Variants in LARGE1 observed in about 807,000 individuals in gnomAD.
LARGE1 encodes LARGE xylosyl- and glucuronyltransferase 1.
A neutral mutation model predicts 87.6 loss-of-function variants in LARGE1; 43 were observed. The ratio of observed to expected loss-of-function variants is 0.49; its 90% CI spans 0.38 to 0.63. The LOEUF is 0.63. LARGE1 is among the 30% of genes least tolerant of loss of function. The probability of loss-of-function intolerance (pLI) is 0.00; values close to 1 mark genes in which losing one functional copy is unlikely to be tolerated. For synonymous variants in LARGE1, 434 were observed against 394.6 expected (o/e 1.10, Z -1.18); for missense variants, 802 against 1,000.2 (o/e 0.80, Z 2.67).
intron 6 of LARGE1, among the ~76,000 whole-genome samples, chr22:33,553,497 C>A (rs947560055): frequency 3.9e-5 from 6 of 152,074 alleles, no homozygotes; most frequent in African/African-American, 1.4e-4. Context: ...GCCTGGGTGA[C>A]ACAACAAGAC....
intron 6 of LARGE1, among the ~76,000 whole-genome samples, chr22:33,457,193 T>C (rs555907770): frequency 2.0e-5 from 3 of 152,054 alleles, no homozygotes; most frequent in South Asian, 2.1e-4. Flanking sequence ...AGTGGCGTGA[T>C]CTTGGCTCAC....
intron 1 of LARGE1, among the ~76,000 whole-genome samples, chr22:33,844,969 C>T (rs1269496138): frequency 2.6e-5 from 4 of 151,958 alleles, no homozygotes; most frequent in African/African-American, 4.8e-5. Flanking sequence ...CCACCCGCCT[C>T]GGCCTCCCAA....
intron 1 of LARGE1, among the ~76,000 whole-genome samples, chr22:33,803,364 C>T (rs188182247): frequency 6.6e-6 from 1 of 152,288 alleles, no homozygotes; most frequent in East Asian, 1.9e-4. Context: ...GGTGGTTTGA[C>T]TCAGTTTCTA....
Position 33,863,221 on chromosome 22 carries a change from A to C in LARGE1, c.-83+56774T>G, listed in dbSNP as rs571941225. ...CACCTCTGCAAGCCTCACTTCCCTCATTTCTGAAATGGAGGTTAATCCAAC... is the reference window on the plus strand; with the variant it reads ...CACCTCTGCAAGCCTCACTTCCCTCCTTTCTGAAATGGAGGTTAATCCAAC... On this transcript the variant is annotated intron_variant, in intron 1 of 14. Transcript: ENST00000397394. Among the ~76,000 whole-genome samples the C allele has an allele frequency of 3.3e-5, 5 of 152,224 alleles. No individual in the cohort carries two copies. In the South Asian group the frequency reaches 1.0e-3, roughly 32 times the overall value.
chr22:33,124,585 T>C, the LARGE1 span, among the ~76,000 whole-genome samples: 2 of 152,158 alleles, frequency 1.3e-5, no homozygotes, highest in Non-Finnish European at 2.9e-5. Flanking sequence ...TTGCCATCTC[T>C]CACTATCTCA....
At chr22:33,696,027 T>C (rs2082234110) in intron 2 of LARGE1, among the ~76,000 whole-genome samples, 1 of 152,222 alleles carries the variant, frequency 6.6e-6, no homozygotes, top group Non-Finnish European at 1.5e-5. Context: ...ATCAAGTTTC[T>C]GCAATTCATT....
At chr22:33,425,302 AT>A (rs2066839744) in intron 7 of LARGE1, among the ~76,000 whole-genome samples, 1 of 152,062 alleles carries the variant, frequency 6.6e-6, no homozygotes, top group African/African-American at 2.4e-5. Flanking sequence ...CAGACAGAAT[AT>A]TTTCTTTCCC....
intron 6 of LARGE1, among the ~76,000 whole-genome samples, chr22:33,489,259 C>T (rs753604937): frequency 1.2e-4 from 19 of 152,144 alleles, no homozygotes; most frequent in Non-Finnish European, 2.4e-4. Flanking sequence ...AATGTGTGGT[C>T]GTGGAGGGAG....
chr22:33,337,598 T>G (rs1333646112), intron 10 of LARGE1, 48 bp downstream of exon 10: 1 of 1,610,542 alleles, frequency 6.2e-7, no homozygotes, highest in East Asian at 2.2e-5. Context: ...CCTTGATGGA[T>G]GAGCAGAGAA....
chr22:33,900,409 T>C (rs1224162243), intron 1 of LARGE1, among the ~76,000 whole-genome samples: 1 of 152,190 alleles, frequency 6.6e-6, no homozygotes, highest in Non-Finnish European at 1.5e-5. Context: ...CAGACCCAAA[T>C]GCTCATTAGA....
At chr22:33,679,151 T>C (rs556798195) in intron 2 of LARGE1, among the ~76,000 whole-genome samples, 1 of 152,306 alleles carries the variant, frequency 6.6e-6, no homozygotes, top group African/African-American at 2.4e-5. Context: ...GTCATCCCCT[T>C]ATTCTCAGTA....
intron 1 of LARGE1, among the ~76,000 whole-genome samples, chr22:33,766,921 T>C (rs1368712316): frequency 1.5e-3 from 8 of 5,426 alleles, no homozygotes; most frequent in African/African-American, 6.2e-3. Context: ...TACATATATA[T>C]ATATATATAT....
At chr22:33,412,951 G>A (rs573906890) in intron 7 of LARGE1, among the ~76,000 whole-genome samples, 117 of 152,234 alleles carry the variant, frequency 7.7e-4, no homozygotes, top group Non-Finnish European at 1.2e-3. Context: ...GTGAGCCACC[G>A]TGCCCGGCCT....
At chr22:33,899,974 C>A (rs905425572) in intron 1 of LARGE1, among the ~76,000 whole-genome samples, 1 of 152,158 alleles carries the variant, frequency 6.6e-6, no homozygotes, top group African/African-American at 2.4e-5. Flanking sequence ...TGTTTTGTAG[C>A]TTTTTCCCCT....
At chr22:33,878,125 A>ATTTCTTT in intron 1 of LARGE1, among the ~76,000 whole-genome samples, 1 of 51,232 alleles carries the variant, frequency 2.0e-5, no homozygotes. Flanking sequence ...TTTATATTGT[A>ATTTCTTT]TTTCTTTTTT....
intron 1 of LARGE1, among the ~76,000 whole-genome samples, chr22:33,874,562 G>A (rs922494249): frequency 1.3e-5 from 2 of 152,206 alleles, no homozygotes; most frequent in Non-Finnish European, 2.9e-5. Context: ...GGAAATGTTA[G>A]AGTTTGAGGG....
At chr22:33,237,175 A>G (rs1049463718) in intron 11 of LARGE1, among the ~76,000 whole-genome samples, 2 of 152,344 alleles carry the variant, frequency 1.3e-5, no homozygotes, top group South Asian at 2.1e-4. Flanking sequence ...CCAGCCATCA[A>G]TGGTGAGGAA....
intron 1 of LARGE1, among the ~76,000 whole-genome samples, chr22:33,845,761 C>T (rs1000593470): frequency 6.6e-6 from 1 of 152,106 alleles, no homozygotes; most frequent in East Asian, 1.9e-4. Context: ...ATTATCAAGT[C>T]ATGATAATTA....
chr22:33,712,739 C>T (rs2082774032), intron 2 of LARGE1, among the ~76,000 whole-genome samples: 1 of 150,478 alleles, frequency 6.6e-6, no homozygotes, highest in Non-Finnish European at 1.5e-5. Flanking sequence ...CACTAACCTA[C>T]TAGTCTCTAA....
Sources: gnomAD v4.1 joint callset for allele counts (sites outside exome capture counted in the v4.1 genomes callset) on GRCh38, gnomAD v4.1.1 for gene constraint, MANE v1.5 for transcripts, NCBI Gene and HGNC (gene_info 2026-07-23, HGNC 2026-07-21) for gene names.